Variants in FAM83E observed in about 807,000 individuals in gnomAD.
The protein encoded by FAM83E is scaffolding CK1 anchoring protein E, also known as protein FAM83E.
A neutral mutation model predicts 34.3 loss-of-function variants in FAM83E; 29 were observed. That is an observed-to-expected ratio of 0.85 (90% CI 0.63 to 1.15). The LOEUF (loss-of-function observed/expected upper bound fraction) is 1.15, where lower values mean the gene tolerates loss of function less well. Ranked by LOEUF, FAM83E falls within the 50% of genes most tolerant of loss-of-function variation. The pLI is 0.00. For synonymous variants in FAM83E, 312 were observed against 311.6 expected (o/e 1.00, Z -0.01); for missense variants, 697 against 685.0 (o/e 1.02, Z -0.20).
intron 5 of FAM83E, among the ~76,000 whole-genome samples, chr19:48,606,293 AGAGT>A (rs1250396604): frequency 6.6e-6 from 1 of 152,186 alleles, no homozygotes; most frequent in East Asian, 1.9e-4. Context: ...CCTGGGTGAC[AGAGT>A]GAGAGACTCC....
Position 48,613,679 on chromosome 19 carries a change from TCTGCTGGTCAGGTTGACCTC to T in FAM83E, c.-327_-308del. On this transcript the variant is annotated 5_prime_UTR_variant, in exon 3 of 7. It removes the in-frame stop codon of an upstream open reading frame in the 5' UTR. Transcript: ENST00000263266. The stretch of plus-strand genomic sequence containing the variant: ...TTCCGTGACCTTCCTGCCAGCCGTC[TCTGCTGGTCAGGTTGACCTC>T]CTGACACCATCCCCAACTGTGTGAC... The T allele has an allele frequency of 8.0e-7, 1 of 1,253,644 alleles. No homozygotes were observed. Among genetic ancestry groups the T allele is most frequent in the East Asian group, 3.8e-5 (1 of 26,182 alleles). The allele number at this position is 1,253,644 out of a possible 1,614,324, so 77.7% of individuals were successfully genotyped here. A position where few individuals can be genotyped will look rare whatever the true frequency, so the allele number is the denominator to read the frequency against.
chr19:48,603,698 C>A lies in FAM83E; in HGVS notation c.972G>T (p.Ser324=). 3 of 1,340,940 alleles carry A rather than the reference C, an allele frequency of 2.2e-6. No homozygotes were observed. The highest frequency in any genetic ancestry group is 1.9e-6 in the Non-Finnish European group (2 of 1,043,660). 83.1% of individuals were successfully genotyped at this position (1,340,940 alleles called of 1,614,324 possible). The change falls in exon 6 of 7, where the codon TCG becomes TCT. Residue 324 remains serine (S), a synonymous_variant. Transcript: ENST00000263266. ...CCAGCGGGCCGTCAGGCGGCGGAGG[C>A]GACGCGGGGGCCACGGAGCGGCGGC... ...VSRRRSVAPA[S]PPPPDGPLAH...
chr19:48,607,187 G>T (rs1261873164), intron 5 of FAM83E: 1 of 1,613,230 alleles, frequency 6.2e-7, no homozygotes. Context: ...CGAGCCACCA[G>T]CTGCGGCCTT....
Position 48,609,948 on chromosome 19 carries a change from C to G in FAM83E, c.686G>C (p.Arg229Pro). Residue 229 changes from arginine (R) to proline (P), a missense_variant, in exon 5 of 7, where the codon CGG becomes CCG. Transcript: ENST00000263266. ...RGCSFQSRWR[R>P]QVSGTVREKF... ...CTCCCGCACGGTGCCGCTCACCTGCCGTCGCCAGCGGCTCTGGAAGCTGCA... is the reference window on the plus strand; with the variant it reads ...CTCCCGCACGGTGCCGCTCACCTGCGGTCGCCAGCGGCTCTGGAAGCTGCA... 2 of 1,613,084 alleles carry G rather than the reference C, an allele frequency of 1.2e-6. No individual in the cohort carries two copies. Among genetic ancestry groups the G allele is most frequent in the Non-Finnish European group, 8.5e-7 (1 of 1,179,986 alleles).
At position 48,602,825 on chromosome 19, in the gene FAM83E, T is replaced by TTTATTATTA. The variant is rs201384936; in HGVS notation, c.1176+660_1176+668dup. On this transcript the variant is annotated intron_variant, in intron 6 of 6. Transcript: ENST00000263266. ...ACTTCAGGAATGTATTTATTTATTG[T>TTTATTATTA]TTATTATTATTATTATTATTATTAT... 6.6e-3 allele frequency among the ~76,000 whole-genome samples: 752 copies of TTTATTATTA among 113,978 alleles called. 5 individuals carry two copies. The highest frequency in any genetic ancestry group is 0.013 in the African/African-American group (387 of 29,122). The allele number at this position is 113,978 out of a possible 152,430, so 74.8% of individuals were successfully genotyped here.
chr19:48,603,779 C>CT lies in FAM83E; in HGVS notation c.890dup (p.Lys298GlufsTer32), dbSNP rs1468602913. ...GCAGGCCACCTATGACCGAGGGTTTCTGGGGGGGCGCAGGTGGGAGCGGGC... is the reference window on the plus strand; with the variant it reads ...GCAGGCCACCTATGACCGAGGGTTTCTTGGGGGGGCGCAGGTGGGAGCGGGC... On this transcript the variant is annotated frameshift_variant, in exon 6 of 7. Transcript: ENST00000263266. LOFTEE classifies it high-confidence loss of function. 22 of 1,590,676 alleles carry CT rather than the reference C, an allele frequency of 1.4e-5. No individual in the cohort carries two copies. The highest frequency in any genetic ancestry group is 1.8e-5 in the Admixed American group (1 of 56,954).
rs188762504 is a variant in FAM83E at position 48,614,089 on chromosome 19, C to A, written c.-717G>T. The A allele has an allele frequency of 1.0e-5, 10 of 985,644 alleles. No homozygotes were observed. The highest frequency in any genetic ancestry group is 1.2e-5 in the Non-Finnish European group (10 of 830,196). 61.1% of individuals were successfully genotyped at this position (985,644 alleles called of 1,614,324 possible). On this transcript the variant is annotated 5_prime_UTR_variant, in exon 3 of 7. Coordinates refer to ENST00000263266, the MANE Select transcript of FAM83E (RefSeq NM_017708.4). ...TCTCACCCGCAGACCAGCCAGGATG[C>A]CTCTCCACTGGGCCTGCTCGCTCAG...
At chr19:48,612,681 C>T (rs1974064401) in intron 3 of FAM83E, among the ~76,000 whole-genome samples, 2 of 152,078 alleles carry the variant, frequency 1.3e-5, no homozygotes, top group Non-Finnish European at 2.9e-5. Flanking sequence ...GAATTACAGG[C>T]GTGAGCCACC....
intron 5 of FAM83E, among the ~76,000 whole-genome samples, chr19:48,609,253 GTTTC>G (rs1194905944): frequency 1.5e-5 from 2 of 134,164 alleles, no homozygotes; most frequent in Non-Finnish European, 3.3e-5. Flanking sequence ...ATTATTTGCA[GTTTC>G]TTTCTTTCTT....
In FAM83E at chr19:48,603,906, G is replaced by C; in HGVS notation, c.764C>G (p.Thr255Arg). ...TCGGTGCAGGCGTGCGTCACTCCAC[G>C]TGAAGCTGGGGGTCGGGGAGTAGGG... is the stretch of plus-strand genomic sequence containing the variant. ...ERVISGSYSF[T>R]WSDARLHRGL... Residue 255 changes from threonine to arginine, a missense_variant, in exon 6 of 7, where the codon ACG becomes AGG. Thr to Arg is a moderately conservative substitution (Grantham distance 71). Transcript: ENST00000263266. 1 of 1,594,616 alleles carries C rather than the reference G, an allele frequency of 6.3e-7. No individual in the cohort carries two copies. Among genetic ancestry groups the C allele is most frequent in the Non-Finnish European group, 8.5e-7 (1 of 1,170,974 alleles).
Position 48,603,791 on chromosome 19 carries a change from A to G in FAM83E, c.879T>C (p.Pro293=), listed in dbSNP as rs1440358048. The change falls in exon 6 of 7, where the codon CCT becomes CCC. Residue 293 remains proline, a synonymous_variant. Transcript: ENST00000263266. ...TGACCGAGGGTTTCTGGGGGGGCGCAGGTGGGAGCGGGCAGGAGGCCGCGT... is the reference window on the plus strand; with the variant it reads ...TGACCGAGGGTTTCTGGGGGGGCGCGGGTGGGAGCGGGCAGGAGGCCGCGT... ...TLYAASCPLP[P]APPQKPSVIG... 1 of 1,594,158 alleles carries G rather than the reference A, an allele frequency of 6.3e-7. No homozygotes were observed. Among genetic ancestry groups the G allele is most frequent in the Non-Finnish European group, 8.5e-7 (1 of 1,171,950 alleles).
chr19:48,602,825 TTTATTATTATTATTA>T lies in FAM83E; in HGVS notation c.1176+654_1176+668del, dbSNP rs201384936. ...ACTTCAGGAATGTATTTATTTATTGTTTATTATTATTATTATTATTATTATTATTATTATTATTAT... is the reference window on the plus strand; with the variant it reads ...ACTTCAGGAATGTATTTATTTATTGTTTATTATTATTATTATTATTATTAT... On this transcript the variant is annotated intron_variant, in intron 6 of 6. Coordinates refer to ENST00000263266, the MANE Select transcript of FAM83E (RefSeq NM_017708.4). Among the ~76,000 whole-genome samples the T allele has an allele frequency of 3.9e-3, 446 of 113,990 alleles. 4 individuals carry two copies. Among genetic ancestry groups the T allele is most frequent in the Middle Eastern group, 0.035 (9 of 260 alleles). 74.8% of individuals were successfully genotyped at this position (113,990 alleles called of 152,430 possible).
rs953906384 is a variant in FAM83E at position 48,614,690 on chromosome 19, C to A, written c.-1256+18G>T. On this transcript the variant is annotated intron_variant, in intron 2 of 6. Coordinates refer to ENST00000263266, the MANE Select transcript of FAM83E (RefSeq NM_017708.4). ...CCCCGCCCCACCCTCACCCATCCCCCCCATCGCCGGGGCTCACCCACACCG... is the reference window on the plus strand; with the variant it reads ...CCCCGCCCCACCCTCACCCATCCCCACCATCGCCGGGGCTCACCCACACCG... 2 of 985,648 alleles carry A rather than the reference C, an allele frequency of 2.0e-6. No homozygotes were observed. Among genetic ancestry groups the A allele is most frequent in the Non-Finnish European group, 1.2e-6 (1 of 830,188 alleles). The allele number at this position is 985,648 out of a possible 1,614,324, so 61.1% of individuals were successfully genotyped here.
intron 3 of FAM83E, 131 bp from the exon 4 acceptor site, chr19:48,610,978 G>A: frequency 9.9e-6 from 9 of 908,356 alleles, no homozygotes; most frequent in Non-Finnish European, 1.5e-5. Context: ...TAAAGTTCAG[G>A]TGGGCTAAAG....
Position 48,601,277 on chromosome 19 carries a change from G to C in FAM83E, c.1269C>G (p.Ser423=), listed in dbSNP as rs756644200. The part of the protein sequence containing the change: ...TGGGPWGEVD[S]RPPWGGALPL... Reference sequence around the variant, plus strand: ...GCAGGGCACCGCCCCACGGAGGTCGGGAGTCCACTTCCCCCCAGGGGCCTC... The same window carrying C: ...GCAGGGCACCGCCCCACGGAGGTCGCGAGTCCACTTCCCCCCAGGGGCCTC... Residue 423 remains serine (S), a synonymous_variant, in exon 7 of 7, where the codon TCC becomes TCG. Coordinates refer to ENST00000263266, the MANE Select transcript of FAM83E (RefSeq NM_017708.4). The C allele has an allele frequency of 1.3e-6, 2 of 1,588,080 alleles. No homozygotes were observed. The highest frequency in any genetic ancestry group is 8.6e-7 in the Non-Finnish European group (1 of 1,166,966).
chr19:48,614,862 C>G (rs1235671878), intron 1 of FAM83E, 23 bp from the exon 2 acceptor site: 37 of 948,376 alleles, frequency 3.9e-5, no homozygotes, highest in Non-Finnish European at 4.6e-5. Flanking sequence ...GAGCCCGGCC[C>G]CTTGTGTAAA....
rs1236613201 is a variant in FAM83E, at chr19:48,614,781, C to T, written c.-1329G>A. 1.0e-6 allele frequency: 1 copy of T among 984,122 alleles called. No individual in the cohort carries two copies. The highest frequency in any genetic ancestry group is 1.2e-6 in the Non-Finnish European group (1 of 829,044). The allele number at this position is 984,122 out of a possible 1,614,324, so 61.0% of individuals were successfully genotyped here. ...TTTTCCGAGAACGTAGGCTGTGGCT[C>T]CCCGGCTTCTACTTCTGCGGTGCTT... On this transcript the variant is annotated 5_prime_UTR_variant, in exon 2 of 7. Transcript: ENST00000263266.
intron 5 of FAM83E, among the ~76,000 whole-genome samples, chr19:48,604,464 G>A (rs1024707764): frequency 4.0e-5 from 6 of 150,808 alleles, no homozygotes; most frequent in African/African-American, 1.5e-4. Context: ...CTGAGTAGTT[G>A]GGATTACAGG....
At chr19:48,612,232 A>C (rs944028978) in intron 3 of FAM83E, among the ~76,000 whole-genome samples, 9 of 152,056 alleles carry the variant, frequency 5.9e-5, no homozygotes, top group African/African-American at 1.9e-4. Context: ...CAGGCTTTCC[A>C]AGGGCTGCAG....
Sources: allele counts gnomAD v4.1 joint callset (sites outside exome capture counted in the v4.1 genomes callset), GRCh38; gene constraint gnomAD v4.1.1; transcripts MANE v1.5; gene names NCBI Gene and HGNC (gene_info 2026-07-23, HGNC 2026-07-21).